Variants in COL5A1 observed in about 807,000 individuals in gnomAD.
COL5A1 encodes the protein collagen alpha-1(V) chain.
Under a neutral mutation model 263.7 loss-of-function variants are expected in COL5A1, and 16 were observed. The ratio of observed to expected loss-of-function variants is 0.06; its 90% CI spans 0.04 to 0.09. The LOEUF (loss-of-function observed/expected upper bound fraction) is 0.09. COL5A1 is among the 10% of genes least tolerant of loss of function. COL5A1 has a pLI of 1.00. For synonymous variants in COL5A1, 1,012 were observed against 1,004.5 expected (o/e 1.01, Z -0.14); for missense variants, 2,036 against 2,540.5 (o/e 0.80, Z 4.27).
At chr9:134,825,963 C>A in intron 63 of COL5A1, 59 bp downstream of exon 63, 1 of 1,098,852 alleles carries the variant, frequency 9.1e-7, no homozygotes, top group Non-Finnish European at 1.4e-6. Flanking sequence ...CAGGGCCATG[C>A]CGAGGGCTTC....
At chr9:134,746,239 A>G (rs1412827277) in intron 11 of COL5A1, among the ~76,000 whole-genome samples, 1 of 152,086 alleles carries the variant, frequency 6.6e-6, no homozygotes, top group Non-Finnish European at 1.5e-5. Context: ...TCGGGCCTGG[A>G]CAGAACCACA....
chr9:134,823,289 T>C, intron 60 of COL5A1, 127 bp from the exon 61 acceptor site: 1 of 1,107,018 alleles, frequency 9.0e-7, no homozygotes, highest in Admixed American at 1.7e-5. Context: ...GCCATTCTCT[T>C]CTCTGCTGTG....
chr9:134,736,179 CA>C, intron 9 of COL5A1, among the ~76,000 whole-genome samples: 1 of 146,218 alleles, frequency 6.8e-6, no homozygotes, highest in Admixed American at 6.7e-5. Context: ...TGGCTGGACA[CA>C]ACCTTTGACT....
At chr9:134,720,225 G>A (rs369985349) in intron 4 of COL5A1, among the ~76,000 whole-genome samples, 14 of 152,244 alleles carry the variant, frequency 9.2e-5, no homozygotes, top group Middle Eastern at 3.4e-3. Context: ...CTGTGCGTGC[G>A]CGTTGTGACC....
intron 37 of COL5A1, among the ~76,000 whole-genome samples, chr9:134,800,757 A>AAAAAG (rs1390689944): frequency 6.7e-6 from 1 of 150,176 alleles, no homozygotes; most frequent in East Asian, 1.9e-4. Flanking sequence ...AACAAAAAAA[A>AAAAAG]AAAAAAAAAA....
chr9:134,750,396 A>G, intron 11 of COL5A1, 146 bp from the exon 12 acceptor site: 1 of 753,110 alleles, frequency 1.3e-6, no homozygotes, highest in Non-Finnish European at 2.3e-6. Flanking sequence ...GGTTTCTGAA[A>G]CATTCCTGCC....
intron 65 of COL5A1, among the ~76,000 whole-genome samples, chr9:134,839,355 C>T (rs941246943): frequency 5.3e-5 from 8 of 152,286 alleles, no homozygotes; most frequent in East Asian, 1.9e-4. Flanking sequence ...ACTTTAAATA[C>T]GCCCCTCTCT....
At chr9:134,760,805 G>A (rs1441382298) in intron 18 of COL5A1, among the ~76,000 whole-genome samples, 3 of 91,298 alleles carry the variant, frequency 3.3e-5, no homozygotes, top group African/African-American at 1.4e-4. Context: ...CATACACCCT[G>A]ACACACCCCC....
At chr9:134,805,543 G>T (rs1838265165) in intron 41 of COL5A1, among the ~76,000 whole-genome samples, 1 of 152,166 alleles carries the variant, frequency 6.6e-6, no homozygotes, top group South Asian at 2.1e-4. Flanking sequence ...TCTGGGCTGG[G>T]CCAGCAGGGG....
chr9:134,657,643 G>A (rs1832060580), intron 1 of COL5A1, among the ~76,000 whole-genome samples: 1 of 142,936 alleles, frequency 7.0e-6, no homozygotes, highest in South Asian at 2.3e-4. Flanking sequence ...GTGGGGTAGG[G>A]GGTGCAGTTT....
chr9:134,701,444 C>T, intron 4 of COL5A1, 111 bp downstream of exon 4: 2 of 1,036,496 alleles, frequency 1.9e-6, no homozygotes, highest in South Asian at 2.7e-5. Context: ...TGGCGGTCCA[C>T]TGTGGTCACC....
At chr9:134,763,932 A>G (rs1291396138) in intron 20 of COL5A1, among the ~76,000 whole-genome samples, 195 bp downstream of exon 20, 1 of 148,972 alleles carries the variant, frequency 6.7e-6, no homozygotes, top group African/African-American at 2.5e-5. Flanking sequence ...TGGCAACTCC[A>G]GGAGGAAGTC....
chr9:134,655,340 G>C (rs552304538), intron 1 of COL5A1, among the ~76,000 whole-genome samples: 20 of 152,100 alleles, frequency 1.3e-4, no homozygotes, highest in African/African-American at 4.6e-4. Context: ...GGAGCTCAGA[G>C]AAGCACAGAG....
intron 1 of COL5A1, among the ~76,000 whole-genome samples, chr9:134,690,069 T>C (rs538605056): frequency 5.3e-5 from 8 of 152,162 alleles, no homozygotes; most frequent in African/African-American, 9.6e-5. Flanking sequence ...AGGGTGACCA[T>C]TGAGCTCCCT....
In COL5A1 at chr9:134,752,419, C is replaced by CG. The variant is rs11386016; in HGVS notation, c.1663-158dup. Among the ~76,000 whole-genome samples the CG allele has an allele frequency of 1.9e-3, 268 of 140,338 alleles. 2 individuals are homozygous for CG. The highest frequency in any genetic ancestry group is 6.7e-3 in the African/African-American group (248 of 36,958). 92.1% of individuals were successfully genotyped at this position (140,338 alleles called of 152,430 possible). On this transcript the variant is annotated intron_variant, in intron 13 of 65. Transcript: ENST00000371817. ...TGGATGCTGAGAGCCCCATCGAAGT[C>CG]GGGGGGGGGGGGCCCTTGGGGAGTC...
rs1322076951 is a variant in COL5A1, at chr9:134,794,435, T to G, written c.2701-647T>G. On this transcript the variant is annotated intron_variant, in intron 32 of 65. Coordinates refer to ENST00000371817, the MANE Select transcript of COL5A1 (RefSeq NM_000093.5). This position sits in a 1 kb window ranked among gnomAD's most constrained non-coding sequence, Gnocchi z 4.3. ...TGTTCAGCCCGTGGCTTCCGTGTAA[T>G]GTAGCTTAACTACATTTTCCAGCTC... Among the ~76,000 whole-genome samples, 1 of 152,212 alleles carries G rather than the reference T, an allele frequency of 6.6e-6. No homozygotes were observed. The highest frequency in any genetic ancestry group is 1.5e-5 in the Non-Finnish European group (1 of 68,048).
chr9:134,832,557 G>A (rs1043694311), intron 64 of COL5A1, among the ~76,000 whole-genome samples: 14 of 152,170 alleles, frequency 9.2e-5, no homozygotes, highest in East Asian at 3.9e-4. Context: ...GCAGGGCAGC[G>A]TGCCCCATGC....
intron 2 of COL5A1, among the ~76,000 whole-genome samples, chr9:134,698,415 G>T (rs540746278): frequency 2.0e-5 from 3 of 151,850 alleles, no homozygotes; most frequent in Non-Finnish European, 4.4e-5. Context: ...AGCTTCCAGC[G>T]CTCACGCAGG....
chr9:134,762,387 G>A lies in COL5A1; in HGVS notation c.1989+409G>A, dbSNP rs58738316. Among the ~76,000 whole-genome samples the A allele has an allele frequency of 3.2e-3, 493 of 152,326 alleles. 2 individuals carry two copies. The highest frequency in any genetic ancestry group is 0.011 in the African/African-American group (478 of 41,576). On this transcript the variant is annotated intron_variant, in intron 19 of 65. Transcript: ENST00000371817. Reference sequence around the variant, plus strand: ...GGTGGCAGAAAGCTGAGATTTGGAGGAGCAGAAGAGGGTGGGGGGATTGGA... The same window carrying A: ...GGTGGCAGAAAGCTGAGATTTGGAGAAGCAGAAGAGGGTGGGGGGATTGGA...
Sources: gnomAD v4.1 joint callset for allele counts (sites outside exome capture counted in the v4.1 genomes callset) on GRCh38, gnomAD v4.1.1 for gene constraint, Gnocchi (gnomAD v3.1) non-coding constraint, MANE v1.5 for transcripts, NCBI Gene and HGNC (gene_info 2026-07-23, HGNC 2026-07-21) for gene names.